PRDM5: variants seen among roughly 807,000 people sequenced by gnomAD.
PRDM5 encodes PR domain zinc finger protein 5.
Under a neutral mutation model 81.2 loss-of-function variants are expected in PRDM5, and 56 were observed. That is an observed-to-expected ratio of 0.69 (90% CI 0.56 to 0.86). The LOEUF (loss-of-function observed/expected upper bound fraction) is 0.86, where lower values mean the gene tolerates loss of function less well. Ranked by LOEUF, PRDM5 falls within the 40% of genes least tolerant of loss-of-function variation. PRDM5 has a pLI of 0.00. For synonymous variants in PRDM5, 267 were observed against 256.4 expected (o/e 1.04, Z -0.39); for missense variants, 697 against 770.1 (o/e 0.91, Z 1.12).
rs28701043 is a variant in PRDM5, at chr4:120,790,283, A to G, written c.1189-5192T>C. On this transcript the variant is annotated intron_variant, in intron 10 of 15. Transcript: ENST00000264808. ...TGAACAAGTGTATTCTCTCCTCTGC[A>G]ATGTAGCTCCTGAAATAGATGGAAA... Among the ~76,000 whole-genome samples the G allele has an allele frequency of 8.4e-3, 1,276 of 152,290 alleles. 21 individuals are homozygous for G. The highest frequency in any genetic ancestry group is 0.029 in the African/African-American group (1,220 of 41,568).
intron 10 of PRDM5, among the ~76,000 whole-genome samples, chr4:120,792,303 G>A (rs1750689532): frequency 6.6e-6 from 1 of 152,168 alleles, no homozygotes; most frequent in African/African-American, 2.4e-5. Flanking sequence ...CTCCACTGGT[G>A]CGGAGACTGA....
At position 120,893,553 on chromosome 4, in the gene PRDM5, A is replaced by G. The variant is rs186172446; in HGVS notation, c.177+13921T>C. 4.1e-4 allele frequency among the ~76,000 whole-genome samples: 63 copies of G among 152,268 alleles called. 4 individuals carry two copies. Among genetic ancestry groups the G allele is most frequent in the Admixed American group, 3.5e-3 (53 of 15,304 alleles). ...GTGTTCCATGTGCGTTACTTGACCA[A>G]CTGTCACTGGACACAGTATTCTGTA... On this transcript the variant is annotated intron_variant, in intron 2 of 15. Coordinates refer to ENST00000264808, the MANE Select transcript of PRDM5 (RefSeq NM_018699.4).
intron 2 of PRDM5, among the ~76,000 whole-genome samples, chr4:120,898,123 A>C (rs1764855420): frequency 6.6e-6 from 1 of 152,160 alleles, no homozygotes. Flanking sequence ...CCTTAAACGC[A>C]TCAGGGAGTG....
rs552280656 is a variant in PRDM5, at chr4:120,802,908, C to T, written c.946-3163G>A. Among the ~76,000 whole-genome samples, 5 of 152,188 alleles carry T rather than the reference C, an allele frequency of 3.3e-5. No homozygotes were observed. The South Asian group carries it at 6.2e-4, about 19-fold the overall frequency. Reference sequence around the variant, plus strand: ...AAGGCTTCAGACGATCAAACTTCTCCGAGCTAAAGGAAGAAGTTCAAACCC... The same window carrying T: ...AAGGCTTCAGACGATCAAACTTCTCTGAGCTAAAGGAAGAAGTTCAAACCC... On this transcript the variant is annotated intron_variant, in intron 8 of 15. Coordinates refer to ENST00000264808, the MANE Select transcript of PRDM5 (RefSeq NM_018699.4).
At chr4:120,888,901 C>G (rs920920640) in intron 2 of PRDM5, among the ~76,000 whole-genome samples, 1 of 152,150 alleles carries the variant, frequency 6.6e-6, no homozygotes, top group African/African-American at 2.4e-5. Flanking sequence ...GTATGACATC[C>G]TTGTTCAAGT....
downstream of PRDM5, among the ~76,000 whole-genome samples, chr4:120,687,426 C>T (rs1439821554): frequency 1.3e-5 from 2 of 152,030 alleles, no homozygotes; most frequent in African/African-American, 4.8e-5. Flanking sequence ...GCATAATGTC[C>T]TCAAGTTTCC....
rs70948365 is a variant in PRDM5, at chr4:120,872,150, C to CAAAAAAAAAAAAAAAAAAAAAA, written c.178-18632_178-18611dup. ...TGGGCGACAGAGCAAGACTCCATCT[C>CAAAAAAAAAAAAAAAAAAAAAA]AAAAAAAAAAAAAAAAAAAAAAAAC... On this transcript the variant is annotated intron_variant, in intron 2 of 15. Coordinates refer to ENST00000264808, the MANE Select transcript of PRDM5 (RefSeq NM_018699.4). Among the ~76,000 whole-genome samples the CAAAAAAAAAAAAAAAAAAAAAA allele has an allele frequency of 2.5e-3, 106 of 41,832 alleles. 4 individuals are homozygous for CAAAAAAAAAAAAAAAAAAAAAA. Among genetic ancestry groups the CAAAAAAAAAAAAAAAAAAAAAA allele is most frequent in the Non-Finnish European group, 3.2e-3 (81 of 25,052 alleles). 27.4% of individuals were successfully genotyped at this position (41,832 alleles called of 152,430 possible). A position where few individuals can be genotyped will look rare whatever the true frequency, so the allele number is the denominator to read the frequency against.
At chr4:120,705,935 G>A (rs1195993324) in intron 15 of PRDM5, among the ~76,000 whole-genome samples, 1 of 152,148 alleles carries the variant, frequency 6.6e-6, no homozygotes, top group African/African-American at 2.4e-5. Context: ...GATGTAGGGT[G>A]TGAGAGAATT....
intron 2 of PRDM5, chr4:120,896,921 G>A (rs1561649387): frequency 6.6e-6 from 1 of 151,508 alleles, no homozygotes; most frequent in Non-Finnish European, 1.5e-5. Flanking sequence ...CTGACCTCAT[G>A]ATCTGCCTGC....
At chr4:120,895,893 A>G (rs892149409) in intron 2 of PRDM5, among the ~76,000 whole-genome samples, 2 of 152,188 alleles carry the variant, frequency 1.3e-5, no homozygotes, top group Non-Finnish European at 2.9e-5. Flanking sequence ...CTCTTCCCTG[A>G]GTCCCATTTA....
At chr4:120,849,439 A>G (rs1759017068) in intron 3 of PRDM5, among the ~76,000 whole-genome samples, 2 of 152,144 alleles carry the variant, frequency 1.3e-5, no homozygotes, top group African/African-American at 4.8e-5. Flanking sequence ...AGCTGTGAGA[A>G]TATCTTGGCT....
intron 13 of PRDM5, among the ~76,000 whole-genome samples, chr4:120,758,222 A>G (rs1217194360): frequency 2.6e-5 from 4 of 152,086 alleles, no homozygotes; most frequent in African/African-American, 9.7e-5. Context: ...CATATATAAT[A>G]TATCTATAAA....
intron 14 of PRDM5, among the ~76,000 whole-genome samples, chr4:120,746,815 AACACTTTT>A (rs945300858): frequency 1.4e-5 from 2 of 144,248 alleles, no homozygotes; most frequent in Non-Finnish European, 3.0e-5. Flanking sequence ...GAGAAATAGG[AACACTTTT>A]ACACTGTTGG....
At chr4:120,906,444 C>T (rs1039723029) in intron 2 of PRDM5, among the ~76,000 whole-genome samples, 5 of 152,178 alleles carry the variant, frequency 3.3e-5, no homozygotes, top group African/African-American at 1.2e-4. Context: ...CTATGATGTT[C>T]ACTTGATGAC....
At chr4:120,697,667 A>ATTTTTTTTTTTT (rs1560882467) in intron 15 of PRDM5, among the ~76,000 whole-genome samples, 1 of 86,002 alleles carries the variant, frequency 1.2e-5, no homozygotes, top group Non-Finnish European at 2.2e-5. Flanking sequence ...TGCCCAGCTA[A>ATTTTTTTTTTTT]CTATTTTTTT....
rs70948365 is a variant in PRDM5 at position 120,872,150 on chromosome 4, C to CAAAAAAAAAAAA, written c.178-18622_178-18611dup. Among the ~76,000 whole-genome samples the CAAAAAAAAAAAA allele has an allele frequency of 9.1e-3, 381 of 41,832 alleles. 31 individuals carry two copies. Among genetic ancestry groups the CAAAAAAAAAAAA allele is most frequent in the Middle Eastern group, 0.029 (1 of 34 alleles). The allele number at this position is 41,832 out of a possible 152,430, so 27.4% of individuals were successfully genotyped here. On this transcript the variant is annotated intron_variant, in intron 2 of 15. Coordinates refer to ENST00000264808, the MANE Select transcript of PRDM5 (RefSeq NM_018699.4). ...TGGGCGACAGAGCAAGACTCCATCT[C>CAAAAAAAAAAAA]AAAAAAAAAAAAAAAAAAAAAAAAC...
chr4:120,758,889 G>A (rs367782637), intron 13 of PRDM5, among the ~76,000 whole-genome samples: 2 of 151,958 alleles, frequency 1.3e-5, no homozygotes, highest in South Asian at 2.1e-4. Flanking sequence ...CTAAGTAGCT[G>A]GGACTACAGG....
chr4:120,905,484 G>A (rs537956610), intron 2 of PRDM5, among the ~76,000 whole-genome samples: 1 of 152,240 alleles, frequency 6.6e-6, no homozygotes, highest in South Asian at 2.1e-4. Context: ...TCAGTTTACT[G>A]TAAGTAAAGG....
intron 14 of PRDM5, among the ~76,000 whole-genome samples, chr4:120,739,714 A>G (rs907710725): frequency 6.6e-6 from 1 of 151,760 alleles, no homozygotes; most frequent in Non-Finnish European, 1.5e-5. Flanking sequence ...ATCAAAATCC[A>G]GAGAACCATG....
Sources: allele counts gnomAD v4.1 joint callset (sites outside exome capture counted in the v4.1 genomes callset), GRCh38; gene constraint gnomAD v4.1.1; transcripts MANE v1.5; gene names NCBI Gene and HGNC (gene_info 2026-07-23, HGNC 2026-07-21).